The following DNAJC3 variants were observed in gnomAD, a reference collection of about 807,000 sequenced individuals.
DNAJC3 encodes dnaJ homolog subfamily C member 3.
In DNAJC3, 38 loss-of-function variants were observed where a neutral mutation model predicts 68.6. The ratio of observed to expected loss-of-function variants is 0.55; its 90% CI spans 0.43 to 0.73. DNAJC3 has a LOEUF of 0.73. Ranked by LOEUF, DNAJC3 falls within the 30% of genes least tolerant of loss-of-function variation. The pLI is 0.00. For missense variants in DNAJC3, 526 were observed against 591.9 expected (o/e 0.89, Z 1.16); for synonymous variants, 203 against 204.0 (o/e 1.00, Z 0.04).
chr13:95,680,232 A>C (rs1002852874), intron 1 of DNAJC3, among the ~76,000 whole-genome samples: 80 of 152,306 alleles, frequency 5.3e-4, no homozygotes, highest in Non-Finnish European at 2.9e-5. Context: ...TTCTCTTATC[A>C]TAGTTTTATC....
At chr13:95,718,843 C>T (rs1247063545) in intron 2 of DNAJC3, among the ~76,000 whole-genome samples, 1 of 152,222 alleles carries the variant, frequency 6.6e-6, no homozygotes, top group Non-Finnish European at 1.5e-5. Context: ...GAATTTCTCT[C>T]CACCAAGTAA....
intron 9 of DNAJC3, among the ~76,000 whole-genome samples, chr13:95,779,314 C>T (rs374894554): frequency 8.6e-5 from 13 of 151,796 alleles, no homozygotes; most frequent in East Asian, 3.9e-4. Flanking sequence ...TTAGTAGAGA[C>T]GGGGTTTCAC....
intron 5 of DNAJC3, among the ~76,000 whole-genome samples, chr13:95,759,803 A>G (rs559403020): frequency 6.6e-6 from 1 of 152,198 alleles, no homozygotes; most frequent in Non-Finnish European, 1.5e-5. Context: ...GTTATTATAT[A>G]TATCTCTTCC....
chr13:95,764,040 TTACCAGAG>T, intron 9 of DNAJC3, 87 bp downstream of exon 9: 1 of 1,537,950 alleles, frequency 6.5e-7, no homozygotes, highest in Non-Finnish European at 8.7e-7. Flanking sequence ...TAAAACAAAT[TTACCAGAG>T]TACCTGGAAA....
intron 1 of DNAJC3, among the ~76,000 whole-genome samples, chr13:95,687,639 C>A (rs1877541136): frequency 6.6e-6 from 1 of 152,090 alleles, no homozygotes; most frequent in Non-Finnish European, 1.5e-5. Flanking sequence ...TAAAGCAATC[C>A]ACATACCACC....
At chr13:95,714,433 G>A (rs1167144856) in intron 2 of DNAJC3, among the ~76,000 whole-genome samples, 1 of 149,580 alleles carries the variant, frequency 6.7e-6, no homozygotes, top group East Asian at 1.9e-4. Flanking sequence ...AAAAAAAGGT[G>A]CAGTAGGATA....
intron 1 of DNAJC3, among the ~76,000 whole-genome samples, chr13:95,684,650 G>A (rs140529035): frequency 1.1e-4 from 17 of 152,332 alleles, no homozygotes; most frequent in African/African-American, 4.1e-4. Context: ...AGGCATCTCA[G>A]CGACCTTTAA....
intron 4 of DNAJC3, among the ~76,000 whole-genome samples, chr13:95,741,822 T>C (rs1003942301): frequency 6.6e-6 from 1 of 152,066 alleles, no homozygotes; most frequent in African/African-American, 2.4e-5. Context: ...AGTGCTCAGG[T>C]GCCAATGGGT....
At chr13:95,758,470 TAAA>T (rs752653857) in intron 5 of DNAJC3, among the ~76,000 whole-genome samples, 5 of 134,786 alleles carry the variant, frequency 3.7e-5, no homozygotes, top group Admixed American at 1.5e-4. Context: ...ATCCTGTGTC[TAAA>T]AAAAAAAAAA....
intron 4 of DNAJC3, among the ~76,000 whole-genome samples, chr13:95,725,720 A>G (rs988668596): frequency 1.3e-5 from 2 of 151,136 alleles, no homozygotes; most frequent in African/African-American, 2.4e-5. Context: ...CATGTGCACA[A>G]TGTGCAGGTT....
chr13:95,724,274 T>C (rs916082172), intron 3 of DNAJC3, among the ~76,000 whole-genome samples: 5 of 152,188 alleles, frequency 3.3e-5, no homozygotes, highest in African/African-American at 9.7e-5. Context: ...TTGATGAATT[T>C]AACAGGGTTA....
chr13:95,756,039 C>G (rs746108667), intron 4 of DNAJC3, among the ~76,000 whole-genome samples: 1 of 152,130 alleles, frequency 6.6e-6, no homozygotes, highest in Non-Finnish European at 1.5e-5. Flanking sequence ...CTCTCACCTT[C>G]CAACAAGAAA....
At chr13:95,789,202 A>C (rs910095712) in intron 11 of DNAJC3, among the ~76,000 whole-genome samples, 3 of 151,810 alleles carry the variant, frequency 2.0e-5, no homozygotes, top group Non-Finnish European at 4.4e-5. Flanking sequence ...CAGGTTTGTT[A>C]CATAGGTAAA....
At chr13:95,782,977 A>T (rs898313440) in intron 9 of DNAJC3, among the ~76,000 whole-genome samples, 1 of 152,106 alleles carries the variant, frequency 6.6e-6, no homozygotes, top group Admixed American at 6.6e-5. Flanking sequence ...GTCCACCTCG[A>T]GTTAATTTTT....
Position 95,763,938 on chromosome 13 carries a change from G to T in DNAJC3, c.1060G>T (p.Glu354Ter). 1 of 1,613,962 alleles carries T rather than the reference G, an allele frequency of 6.2e-7. No individual in the cohort carries two copies. Among genetic ancestry groups the T allele is most frequent in the Non-Finnish European group, 8.5e-7 (1 of 1,179,898 alleles). ...TCGAGCAGAGGCCTATTTGATAGAG[G>T]AAATGTATGATGAAGGTAAATCTTT... ...KDRAEAYLIE[E>*]MYDEAIQDYE... The change falls in exon 9 of 12, where the codon GAA (glutamate) becomes TAA (stop). Residue 354 changes from glutamate (E) to a stop codon, truncating the protein, a stop_gained. Transcript: ENST00000602402. LOFTEE classifies it high-confidence loss of function.
chr13:95,758,966 T>C (rs7995306), intron 5 of DNAJC3, among the ~76,000 whole-genome samples: 61,589 of 152,070 alleles, frequency 0.41, 12,978 homozygotes, highest in East Asian at 0.51. Context: ...ATAGTTTACA[T>C]TTTTACATTC....
intron 1 of DNAJC3, among the ~76,000 whole-genome samples, chr13:95,708,336 C>T (rs1288604977): frequency 6.6e-6 from 1 of 152,172 alleles, no homozygotes; most frequent in East Asian, 1.9e-4. Context: ...TGGCCTAGTC[C>T]ATCAGATCAT....
At chr13:95,677,967 A>G (rs1417254021) in intron 1 of DNAJC3, among the ~76,000 whole-genome samples, 3 of 152,212 alleles carry the variant, frequency 2.0e-5, no homozygotes, top group Non-Finnish European at 4.4e-5. Context: ...ACAACTCCCA[A>G]CATGGTGTCA....
intron 4 of DNAJC3, among the ~76,000 whole-genome samples, chr13:95,728,061 T>C (rs560043440): frequency 6.6e-6 from 1 of 152,384 alleles, no homozygotes; most frequent in South Asian, 2.1e-4. Context: ...TCTGGAGATT[T>C]ATCTAGATTT....
Sources: allele counts gnomAD v4.1 joint callset (sites outside exome capture counted in the v4.1 genomes callset), GRCh38; gene constraint gnomAD v4.1.1; transcripts MANE v1.5; gene names NCBI Gene and HGNC (gene_info 2026-07-23, HGNC 2026-07-21).